The following PRRC2C variants were observed in gnomAD, a reference collection of about 807,000 sequenced individuals.
PRRC2C encodes the protein proline rich coiled-coil 2C.
Under a neutral mutation model 317.2 loss-of-function variants are expected in PRRC2C, and 72 were observed. The ratio of observed to expected loss-of-function variants is 0.23; its 90% CI spans 0.19 to 0.28. The LOEUF is 0.28. Ranked by LOEUF, PRRC2C falls within the 10% of genes least tolerant of loss-of-function variation. The pLI, the probability that PRRC2C is intolerant of heterozygous loss-of-function variation, is 1.00. For synonymous variants in PRRC2C, 1,296 were observed against 1,205.9 expected (o/e 1.07, Z -1.55); for missense variants, 3,074 against 3,459.7 (o/e 0.89, Z 2.80).
In PRRC2C at chr1:171,589,399, T is replaced by C. The variant is rs1558063408; in HGVS notation, c.8230T>C (p.Leu2744=). The change falls in exon 34 of 35, where the codon TTG becomes CTG. Residue 2744 remains leucine (L), a synonymous_variant. Transcript: ENST00000647382. Reference sequence around the variant, plus strand: ...CTCCCAGCCTAACCTGGTCCCTCCATTGGTAAGAGCCCCACATACTAACAC... The same window carrying C: ...CTCCCAGCCTAACCTGGTCCCTCCACTGGTAAGAGCCCCACATACTAACAC... ...ILSQPNLVPP[L]VRAPHTNTFP... is the part of the protein sequence containing the mutation. 2.3e-6 allele frequency: 3 copies of C among 1,288,832 alleles called. No homozygotes were observed. Among genetic ancestry groups the C allele is most frequent in the Non-Finnish European group, 3.0e-6 (3 of 988,522 alleles). The allele number at this position is 1,288,832 out of a possible 1,614,324, so 79.8% of individuals were successfully genotyped here. A position where few individuals can be genotyped will look rare whatever the true frequency, so the allele number is the denominator to read the frequency against.
chr1:171,519,618 TTTACTTTC>T (rs1273219205), intron 6 of PRRC2C, among the ~76,000 whole-genome samples: 2 of 152,126 alleles, frequency 1.3e-5, no homozygotes, highest in African/African-American at 4.8e-5. Flanking sequence ...TCATTCTTTG[TTTACTTTC>T]AGCCCAATGT....
intron 14 of PRRC2C, 24 bp from the exon 15 acceptor site, chr1:171,537,239 C>G (rs1440022359): frequency 6.5e-7 from 1 of 1,527,942 alleles, no homozygotes; most frequent in South Asian, 1.2e-5. Context: ...CCTCATTTCA[C>G]CTTTTTCTGA....
At position 171,557,781 on chromosome 1, in the gene PRRC2C, T is replaced by A. The variant is rs1321080530; in HGVS notation, c.5669T>A (p.Ile1890Asn). The change falls in exon 19 of 35, where the codon ATC (isoleucine) becomes AAC (asparagine). Residue 1890 changes from isoleucine (I) to asparagine (N), a missense_variant. Ile to Asn is a moderately radical substitution (Grantham distance 149). Coordinates refer to ENST00000647382, the MANE Select transcript of PRRC2C (RefSeq NM_001387844.1). ...PAASSPAAPVITAPTIPASAP... is the reference protein window; with the variant it reads ...PAASSPAAPVNTAPTIPASAP... Reference sequence around the variant, plus strand: ...GCCTCTTCCCCAGCTGCCCCAGTCATCACAGCACCAACTATCCCAGCCTCA... The same window carrying A: ...GCCTCTTCCCCAGCTGCCCCAGTCAACACAGCACCAACTATCCCAGCCTCA... 1.9e-6 allele frequency: 3 copies of A among 1,550,076 alleles called. No individual in the cohort carries two copies. The highest frequency in any genetic ancestry group is 2.6e-6 in the Non-Finnish European group (3 of 1,146,372).
At chr1:171,487,114 T>C (rs1352487527) in intron 1 of PRRC2C, among the ~76,000 whole-genome samples, 1 of 152,254 alleles carries the variant, frequency 6.6e-6, no homozygotes, top group Non-Finnish European at 1.5e-5. Flanking sequence ...TGTGTGGCTG[T>C]TCTCCATTAG....
Position 171,592,019 on chromosome 1 carries a change from CA to C in PRRC2C, c.*173del, listed in dbSNP as rs1651546962. ...TTACACTGACACACAGCTGCTGTAC[CA>C]GTGAAAACGAGGCTTTGCAAGCTTG... On this transcript the variant is annotated 3_prime_UTR_variant, in exon 35 of 35. Transcript: ENST00000647382. 1.2e-6 allele frequency: 1 copy of C among 816,084 alleles called. No homozygotes were observed. The highest frequency in any genetic ancestry group is 2.6e-5 in the East Asian group (1 of 39,178). The allele number at this position is 816,084 out of a possible 1,614,324, so 50.6% of individuals were successfully genotyped here. A position where few individuals can be genotyped will look rare whatever the true frequency, so the allele number is the denominator to read the frequency against.
chr1:171,555,849 G>C (rs796606367), intron 18 of PRRC2C, among the ~76,000 whole-genome samples: 1 of 151,882 alleles, frequency 6.6e-6, no homozygotes, highest in Non-Finnish European at 1.5e-5. Context: ...TGGAAGCCTC[G>C]GTCTCCCAGT....
Position 171,579,931 on chromosome 1 carries a change from A to C in PRRC2C, c.7376A>C (p.Gln2459Pro), listed in dbSNP as rs1290766397. The change falls in exon 28 of 35, where the codon CAG becomes CCG. Residue 2459 changes from glutamine (Q) to proline (P), a missense_variant. Coordinates refer to ENST00000647382, the MANE Select transcript of PRRC2C (RefSeq NM_001387844.1). Reference sequence around the variant, plus strand: ...GCTGGCCCTGCTGTTTCCCAGGCTCAGGAATTGTTCAGCTCCTCACTTCAA... The same window carrying C: ...GCTGGCCCTGCTGTTTCCCAGGCTCCGGAATTGTTCAGCTCCTCACTTCAA... ...LGAGPAVSQA[Q>P]ELFSSSLQPY... is the part of the protein sequence containing the mutation. 3.8e-6 allele frequency: 6 copies of C among 1,590,528 alleles called. No individual in the cohort carries two copies. The highest frequency in any genetic ancestry group is 5.1e-6 in the Non-Finnish European group (6 of 1,171,140).
intron 17 of PRRC2C, among the ~76,000 whole-genome samples, chr1:171,549,702 C>CAGGTAT (rs1380958781): frequency 6.6e-6 from 1 of 152,052 alleles, no homozygotes; most frequent in East Asian, 1.9e-4. Context: ...TCTGGGACTA[C>CAGGTAT]AGGTATATAC....
In PRRC2C at chr1:171,557,552, T is replaced by A; in HGVS notation, c.5440T>A (p.Ser1814Thr). ...PASPLAPVSA[S>T]ASVSASVPAS... is the part of the protein sequence containing the mutation. ...CTCACCCTTAGCTCCAGTTTCAGCC[T>A]CAGCCTCAGTCTCAGCTTCAGTTCC... The change falls in exon 19 of 35, where the codon TCA becomes ACA. Residue 1814 changes from serine to threonine, a missense_variant. Around this residue, in one of 11 missense-constraint regions of PRRC2C, gnomAD observed 640 missense variants for 676.1 expected, o/e 0.95. Transcript: ENST00000647382. 1 of 1,551,536 alleles carries A rather than the reference T, an allele frequency of 6.4e-7. No individual in the cohort carries two copies. The highest frequency in any genetic ancestry group is 8.7e-7 in the Non-Finnish European group (1 of 1,146,950).
rs549969780 is a variant in PRRC2C, at chr1:171,491,357, A to G, written c.-58+5622A>G. ...CAAAGATGCTGGACTGAAGGAAGCA[A>G]CAAGTCAGCCTGTGTTCTGCTTACA... On this transcript the variant is annotated intron_variant, in intron 1 of 34. Transcript: ENST00000647382. Among the ~76,000 whole-genome samples the G allele has an allele frequency of 1.8e-3, 274 of 152,344 alleles. 1 individual carries two copies. The highest frequency in any genetic ancestry group is 3.4e-3 in the Non-Finnish European group (228 of 68,034).
rs1003655866 is a variant in PRRC2C at position 171,540,842 on chromosome 1, C to G, written c.3376C>G (p.Gln1126Glu). 6.8e-6 allele frequency: 11 copies of G among 1,613,562 alleles called. No homozygotes were observed. Among genetic ancestry groups the G allele is most frequent in the Non-Finnish European group, 8.5e-6 (10 of 1,179,818 alleles). ...QVEPAVKTVN[Q>E]QTMAAPVVKE... The stretch of plus-strand genomic sequence containing the variant: ...AGAGCCTGCAGTTAAGACTGTAAAC[C>G]AACAGACTATGGCAGCACCAGTAGT... The change falls in exon 16 of 35, where the codon CAA becomes GAA. Residue 1126 changes from glutamine to glutamate, a missense_variant. This residue lies in a region of PRRC2C where 1,320 missense variants were observed against 1,395.7 expected (regional missense o/e 0.95). Coordinates refer to ENST00000647382, the MANE Select transcript of PRRC2C (RefSeq NM_001387844.1).
intron 16 of PRRC2C, among the ~76,000 whole-genome samples, chr1:171,545,006 T>A (rs550604857): frequency 3.3e-5 from 5 of 152,368 alleles, no homozygotes; most frequent in Admixed American, 1.3e-4. Context: ...TAAAGTTTTT[T>A]AAATAATTAT....
At chr1:171,488,948 A>G (rs950165353) in intron 1 of PRRC2C, among the ~76,000 whole-genome samples, 1 of 152,190 alleles carries the variant, frequency 6.6e-6, no homozygotes, top group African/African-American at 2.4e-5. Context: ...GTATTAAAAA[A>G]ACTATTGGGT....
In PRRC2C at chr1:171,540,748, T is replaced by C. The variant is rs1677804502; in HGVS notation, c.3282T>C (p.Thr1094=). The part of the protein sequence containing the change: ...PEAEKFPSTE[T]ATLAQKPSQD... ...CAGAGAAATTTCCTTCAACAGAAAC[T>C]GCAACTTTGGCTCAAAAACCATCTC... Residue 1094 remains threonine (T), a synonymous_variant, in exon 16 of 35, where the codon ACT becomes ACC. Transcript: ENST00000647382. 1 of 1,613,836 alleles carries C rather than the reference T, an allele frequency of 6.2e-7. No individual in the cohort carries two copies. Among genetic ancestry groups the C allele is most frequent in the African/African-American group, 1.3e-5 (1 of 74,898 alleles).
chr1:171,522,413 T>C (rs1305289706), intron 7 of PRRC2C, 154 bp downstream of exon 7: 1 of 422,162 alleles, frequency 2.4e-6, no homozygotes, highest in Non-Finnish European at 4.3e-6. Flanking sequence ...CTAACTCTTA[T>C]AAGACAGAAC....
intron 1 of PRRC2C, among the ~76,000 whole-genome samples, chr1:171,490,839 G>C (rs1018050916): frequency 3.3e-5 from 5 of 152,198 alleles, no homozygotes; most frequent in Non-Finnish European, 7.4e-5. Context: ...AATACTCAAA[G>C]TGGACTCTAG....
chr1:171,566,182 T>G, intron 20 of PRRC2C, 51 bp from the exon 21 acceptor site: 1 of 1,452,760 alleles, frequency 6.9e-7, no homozygotes, highest in Non-Finnish European at 9.4e-7. Flanking sequence ...CATAAATCAG[T>G]CACATCTGAA....
intron 24 of PRRC2C, among the ~76,000 whole-genome samples, chr1:171,573,414 A>T (rs1407230498): frequency 6.6e-6 from 1 of 152,190 alleles, no homozygotes; most frequent in Non-Finnish European, 1.5e-5. Flanking sequence ...GCCGTAAACC[A>T]CAAAATCTCA....
chr1:171,486,777 A>G (rs1487471915), intron 1 of PRRC2C, among the ~76,000 whole-genome samples: 1 of 152,176 alleles, frequency 6.6e-6, no homozygotes, highest in Non-Finnish European at 1.5e-5. Context: ...TGAGTACTTA[A>G]TAGCTTACTC....
Sources: gnomAD v4.1 joint callset for allele counts (sites outside exome capture counted in the v4.1 genomes callset) on GRCh38, gnomAD v4.1.1 for gene constraint, gnomAD v4.1.1 regional missense constraint, MANE v1.5 for transcripts, NCBI Gene and HGNC (gene_info 2026-07-23, HGNC 2026-07-21) for gene names.